The following GRIK3 variants were observed in gnomAD, a reference collection of about 807,000 sequenced individuals.
GRIK3 encodes glutamate receptor ionotropic, kainate 3.
GRIK3 carries 29 observed loss-of-function variants against 102.5 expected under a neutral mutation model. The ratio of observed to expected loss-of-function variants is 0.28; its 90% CI spans 0.21 to 0.39. GRIK3 has a LOEUF of 0.39. GRIK3 is among the 10% of genes least tolerant of loss of function. GRIK3 has a pLI of 1.00. For missense variants in GRIK3, 908 were observed against 1,252.4 expected, an observed-to-expected ratio of 0.73 and a Z score of 4.15; for synonymous variants, 511 against 504.9, an observed-to-expected ratio of 1.01 and a Z score of -0.16.
At chr1:36,812,295 C>T (rs543678461) in intron 13 of GRIK3, among the ~76,000 whole-genome samples, 112 of 152,206 alleles carry the variant, frequency 7.4e-4, no homozygotes, top group African/African-American at 2.6e-3. Flanking sequence ...GGGAACCTGG[C>T]ATTCTCGGGC....
In GRIK3 at chr1:36,917,667, A is replaced by G. The variant is rs530859969; in HGVS notation, c.116-26571T>C. On this transcript the variant is annotated intron_variant, in intron 1 of 15. Transcript: ENST00000373091. ...TGAGATGTGCCTTTCAACTTCTGCCATGATTGTAAAGCCTTCCAGCCACAT... is the reference window on the plus strand; with the variant it reads ...TGAGATGTGCCTTTCAACTTCTGCCGTGATTGTAAAGCCTTCCAGCCACAT... 1.2e-3 allele frequency among the ~76,000 whole-genome samples: 188 copies of G among 152,352 alleles called. 1 individual carries two copies. Among genetic ancestry groups the G allele is most frequent in the African/African-American group, 4.3e-3 (177 of 41,574 alleles).
intron 6 of GRIK3, 78 bp from the exon 7 acceptor site, chr1:36,859,329 C>A: frequency 6.8e-7 from 1 of 1,459,982 alleles, no homozygotes; most frequent in Non-Finnish European, 9.3e-7. Flanking sequence ...CCCCCTTCTC[C>A]TCCCTTGCCA....
intron 2 of GRIK3, among the ~76,000 whole-genome samples, chr1:36,883,343 C>T (rs1421324103): frequency 6.6e-6 from 1 of 152,178 alleles, no homozygotes; most frequent in East Asian, 1.9e-4. Flanking sequence ...ACCAGGACCC[C>T]ATTCTCCCCC....
At chr1:36,934,270 C>A (rs1641628915) in intron 1 of GRIK3, among the ~76,000 whole-genome samples, 1 of 152,118 alleles carries the variant, frequency 6.6e-6, no homozygotes, top group Non-Finnish European at 1.5e-5. Context: ...GGCATGCAGC[C>A]CAGACAGATG....
At chr1:37,018,834 A>T (rs979844715) in intron 1 of GRIK3, among the ~76,000 whole-genome samples, 1 of 152,204 alleles carries the variant, frequency 6.6e-6, no homozygotes, top group South Asian at 2.1e-4. Flanking sequence ...CATGAAAAAA[A>T]AACTCCAATT....
chr1:36,833,496 AGC>A (rs1490511616), intron 10 of GRIK3, among the ~76,000 whole-genome samples: 1 of 152,048 alleles, frequency 6.6e-6, no homozygotes, highest in Non-Finnish European at 1.5e-5. Context: ...CCACCTTTGG[AGC>A]CCATCTCTTT....
In GRIK3 at chr1:36,887,483, G is replaced by A. The variant is rs539264446; in HGVS notation, c.292+3437C>T. Among the ~76,000 whole-genome samples, 17 of 152,164 alleles carry A rather than the reference G, an allele frequency of 1.1e-4. No homozygotes were observed. The South Asian group carries it at 1.7e-3, about 15-fold the overall frequency. ...TATAAATCAAGAATATAGGCGGGGCGTGGTGGCTCATACTTGTAATCCCAG... is the reference window on the plus strand; with the variant it reads ...TATAAATCAAGAATATAGGCGGGGCATGGTGGCTCATACTTGTAATCCCAG... On this transcript the variant is annotated intron_variant, in intron 2 of 15. Transcript: ENST00000373091.
chr1:36,913,138 C>T (rs2124296919), intron 1 of GRIK3, among the ~76,000 whole-genome samples: 1 of 152,324 alleles, frequency 6.6e-6, no homozygotes, highest in African/African-American at 2.4e-5. Context: ...GGCAGCTGCA[C>T]AGAGAGGGCC....
chr1:36,888,036 T>A (rs919087393), intron 2 of GRIK3, among the ~76,000 whole-genome samples: 1 of 152,040 alleles, frequency 6.6e-6, no homozygotes, highest in Non-Finnish European at 1.5e-5. Flanking sequence ...ATACTTCCAC[T>A]CCTAAGTATA....
At chr1:36,892,369 C>T (rs1013805978) in intron 1 of GRIK3, among the ~76,000 whole-genome samples, 2 of 152,080 alleles carry the variant, frequency 1.3e-5, no homozygotes, top group African/African-American at 2.4e-5. Flanking sequence ...AGAGCAGTAG[C>T]TTATGCCTGT....
In GRIK3 at chr1:36,850,948, A is replaced by C. The variant is rs1640577874; in HGVS notation, c.1213-524T>G. Among the ~76,000 whole-genome samples the C allele has an allele frequency of 6.6e-6, 1 of 152,218 alleles. No individual in the cohort carries two copies. Among genetic ancestry groups the C allele is most frequent in the South Asian group, 2.1e-4 (1 of 4,826 alleles). ...CTGGCAGACACACAGACTAAGGTAG[A>C]ATAATCTCTCTCTCTACAGCGTCCT... On this transcript the variant is annotated intron_variant, in intron 8 of 15. Transcript: ENST00000373091. This position sits in a 1 kb window ranked among gnomAD's most constrained non-coding sequence, Gnocchi z 4.0.
intron 1 of GRIK3, among the ~76,000 whole-genome samples, chr1:36,941,048 C>A (rs1641713874): frequency 1.3e-5 from 2 of 152,202 alleles, no homozygotes; most frequent in African/African-American, 4.8e-5. Flanking sequence ...TGAGTTTCTG[C>A]CCCCGTAAGT....
At chr1:36,905,365 C>T (rs1433014113) in intron 1 of GRIK3, among the ~76,000 whole-genome samples, 14 of 151,082 alleles carry the variant, frequency 9.3e-5, no homozygotes, top group Admixed American at 9.2e-4. Context: ...AAGGACACAC[C>T]AGAAGGACAC....
chr1:36,867,833 C>T (rs778583984), intron 5 of GRIK3, among the ~76,000 whole-genome samples: 4 of 152,108 alleles, frequency 2.6e-5, no homozygotes, highest in African/African-American at 4.8e-5. Context: ...AAGTCCCAGC[C>T]GTAAATATCC....
intron 8 of GRIK3, among the ~76,000 whole-genome samples, chr1:36,852,183 A>G (rs1300937900): frequency 6.6e-6 from 1 of 152,148 alleles, no homozygotes; most frequent in Admixed American, 6.5e-5. Context: ...GATGCTATAT[A>G]TGGTGTGAAA....
chr1:36,935,783 A>G (rs1641650068), intron 1 of GRIK3, among the ~76,000 whole-genome samples: 1 of 152,218 alleles, frequency 6.6e-6, no homozygotes, highest in South Asian at 2.1e-4. Context: ...TAGTTTGGCA[A>G]CTCAAAGAAT....
At chr1:36,821,002 G>T (rs970524260) in intron 11 of GRIK3, among the ~76,000 whole-genome samples, 1 of 152,124 alleles carries the variant, frequency 6.6e-6, no homozygotes, top group Admixed American at 6.5e-5. Flanking sequence ...CTAGATTTGT[G>T]GGGGAGGTTT....
At chr1:36,986,293 C>T (rs1642303026) in intron 1 of GRIK3, among the ~76,000 whole-genome samples, 1 of 152,088 alleles carries the variant, frequency 6.6e-6, no homozygotes, top group African/African-American at 2.4e-5. Context: ...CACCCACTCA[C>T]CCCACCAGTC....
intron 13 of GRIK3, among the ~76,000 whole-genome samples, chr1:36,814,366 TG>T (rs570914536): frequency 1.6e-4 from 24 of 152,168 alleles, no homozygotes; most frequent in Admixed American, 1.2e-3. Flanking sequence ...GGCCACAGCC[TG>T]GGGATAGGCA....
Sources: allele counts gnomAD v4.1 joint callset (sites outside exome capture counted in the v4.1 genomes callset), GRCh38; gene constraint gnomAD v4.1.1; non-coding constraint Gnocchi (gnomAD v3.1); transcripts MANE v1.5; gene names NCBI Gene and HGNC (gene_info 2026-07-23, HGNC 2026-07-21).